The following GPC6 variants were observed in gnomAD, a reference collection of about 807,000 sequenced individuals.
GPC6 encodes glypican 6.
In GPC6, 14 loss-of-function variants were observed where a neutral mutation model predicts 55.2. The ratio of observed to expected loss-of-function variants is 0.25; its 90% CI spans 0.17 to 0.40. The LOEUF is 0.40. Among genes scored for constraint, GPC6 ranks in the 10% least tolerant of loss-of-function variants. GPC6 has a pLI of 1.00. For synonymous variants in GPC6, 278 were observed against 259.6 expected, an observed-to-expected ratio of 1.07 and a Z score of -0.68; for missense variants, 641 against 708.5, an observed-to-expected ratio of 0.90 and a Z score of 1.08.
rs1216982939 is a variant in GPC6 at position 93,493,447 on chromosome 13, A to G, written c.161-51816A>G. Among the ~76,000 whole-genome samples the G allele has an allele frequency of 2.9e-5, 3 of 102,744 alleles. 1 individual carries two copies. Among genetic ancestry groups the G allele is most frequent in the Non-Finnish European group, 6.1e-5 (3 of 48,862 alleles). The allele number at this position is 102,744 out of a possible 152,430, so 67.4% of individuals were successfully genotyped here. A position where few individuals can be genotyped will look rare whatever the true frequency, so the allele number is the denominator to read the frequency against. ...TATTAGTCTTGCTAGCGGTCTATCA[A>G]TTTTGTTGATCCTTTCAAAAAACCA... is the stretch of plus-strand genomic sequence containing the variant. On this transcript the variant is annotated intron_variant, in intron 1 of 8. Transcript: ENST00000377047.
chr13:93,947,386 G>A (rs1020053348), intron 3 of GPC6, among the ~76,000 whole-genome samples: 1 of 152,118 alleles, frequency 6.6e-6, no homozygotes, highest in Non-Finnish European at 1.5e-5. Flanking sequence ...GGAAAAAAAA[G>A]AGATGAATGG....
intron 1 of GPC6, among the ~76,000 whole-genome samples, chr13:93,492,512 T>G (rs1880060690): frequency 6.6e-6 from 1 of 150,410 alleles, no homozygotes; most frequent in Non-Finnish European, 1.5e-5. Context: ...ATACCCTTTA[T>G]TTCCTTCTCC....
intron 7 of GPC6, among the ~76,000 whole-genome samples, 169 bp from the exon 8 acceptor site, chr13:94,398,297 T>C (rs1323872742): frequency 6.6e-6 from 1 of 151,324 alleles, no homozygotes; most frequent in Non-Finnish European, 1.5e-5. Context: ...TGAAAAAATG[T>C]ATTCCATGTT....
chr13:93,748,113 A>G (rs935361058), intron 2 of GPC6, among the ~76,000 whole-genome samples: 12 of 152,214 alleles, frequency 7.9e-5, no homozygotes, highest in Non-Finnish European at 1.6e-4. Flanking sequence ...AATCGAATGT[A>G]GTGCTTACTG....
intron 1 of GPC6, among the ~76,000 whole-genome samples, chr13:93,241,912 A>C (rs934652990): frequency 1.3e-5 from 2 of 152,006 alleles, no homozygotes; most frequent in African/African-American, 4.8e-5. Context: ...TTTCAGTTGC[A>C]AAGACTCTGT....
intron 3 of GPC6, among the ~76,000 whole-genome samples, chr13:93,957,450 C>T (rs117455540): frequency 0.011 from 1,720 of 152,168 alleles, 17 homozygotes; most frequent in Non-Finnish European, 0.019. Flanking sequence ...TGTTTAGCTC[C>T]CTCTTATAAG....
At chr13:93,979,323 G>GTT (rs1445589370) in intron 3 of GPC6, among the ~76,000 whole-genome samples, 1 of 138,888 alleles carries the variant, frequency 7.2e-6, no homozygotes, top group Non-Finnish European at 1.5e-5. Flanking sequence ...GTGTGTTTGT[G>GTT]TGTGTTTTTT....
chr13:93,356,535 C>T (rs764087142), intron 1 of GPC6, among the ~76,000 whole-genome samples: 1 of 152,120 alleles, frequency 6.6e-6, no homozygotes, highest in Admixed American at 6.6e-5. Flanking sequence ...AAGATCATTG[C>T]CTGAAGGTTG....
chr13:93,733,535 T>C (rs1410769967), intron 2 of GPC6, among the ~76,000 whole-genome samples: 1 of 150,784 alleles, frequency 6.6e-6, no homozygotes, highest in East Asian at 1.9e-4. Context: ...ATATAAAATA[T>C]ATAAAATAAG....
chr13:94,204,053 C>T (rs1889833213), intron 4 of GPC6, among the ~76,000 whole-genome samples: 1 of 152,086 alleles, frequency 6.6e-6, no homozygotes, highest in African/African-American at 2.4e-5. Context: ...AATAAATTTA[C>T]ACTTCCCAAG....
intron 2 of GPC6, among the ~76,000 whole-genome samples, chr13:93,728,212 GTT>G (rs1883710556): frequency 1.3e-5 from 2 of 151,054 alleles, no homozygotes; most frequent in Non-Finnish European, 3.0e-5. Flanking sequence ...GGTTTTGTTT[GTT>G]TGTTTGTTTG....
chr13:94,224,619 C>T (rs977899920), intron 4 of GPC6, among the ~76,000 whole-genome samples: 2 of 152,044 alleles, frequency 1.3e-5, no homozygotes, highest in African/African-American at 2.4e-5. Context: ...CAAAATTGCC[C>T]TTGTTTGATG....
intron 2 of GPC6, among the ~76,000 whole-genome samples, chr13:93,582,849 G>C (rs1877001381): frequency 6.6e-6 from 1 of 152,152 alleles, no homozygotes; most frequent in African/African-American, 2.4e-5. Flanking sequence ...AAGCCTTAAG[G>C]GTAGCCAATG....
At chr13:93,382,908 C>T (rs143076139) in intron 1 of GPC6, among the ~76,000 whole-genome samples, 1 of 152,298 alleles carries the variant, frequency 6.6e-6, no homozygotes, top group African/African-American at 2.4e-5. Flanking sequence ...TCTCTACACA[C>T]ATAGTCCTTC....
intron 4 of GPC6, among the ~76,000 whole-genome samples, chr13:94,098,037 A>G (rs549511034): frequency 1.8e-4 from 27 of 152,358 alleles, no homozygotes; most frequent in Middle Eastern, 3.4e-3. Context: ...GCTCTGAGAA[A>G]AAATGTAAGT....
intron 4 of GPC6, among the ~76,000 whole-genome samples, chr13:94,154,802 A>C (rs1228269335): frequency 6.6e-6 from 1 of 152,216 alleles, no homozygotes; most frequent in Non-Finnish European, 1.5e-5. Flanking sequence ...AGGTTTTAAC[A>C]CATTATGCCT....
chr13:93,975,076 GA>G (rs1464214014), intron 3 of GPC6, among the ~76,000 whole-genome samples: 2 of 152,082 alleles, frequency 1.3e-5, no homozygotes. Context: ...TGGTAGAAAT[GA>G]AAACTCTCCT....
chr13:94,383,320 A>T (rs1486532321), intron 7 of GPC6, among the ~76,000 whole-genome samples: 1 of 152,228 alleles, frequency 6.6e-6, no homozygotes, highest in East Asian at 1.9e-4. Context: ...GGTAAATTGG[A>T]CTCAAGGGAT....
chr13:94,176,470 T>C (rs1888775001), intron 4 of GPC6, among the ~76,000 whole-genome samples: 1 of 152,160 alleles, frequency 6.6e-6, no homozygotes, highest in Admixed American at 6.5e-5. Context: ...GCAAAGCCTT[T>C]CCTAACTCAT....
Sources: allele counts gnomAD v4.1 joint callset (sites outside exome capture counted in the v4.1 genomes callset), GRCh38; gene constraint gnomAD v4.1.1; transcripts MANE v1.5; gene names NCBI Gene and HGNC (gene_info 2026-07-23, HGNC 2026-07-21).